Variants in DGKI observed in about 807,000 individuals in gnomAD.
DGKI encodes the protein DAG kinase iota.
Under a neutral mutation model 147.5 loss-of-function variants are expected in DGKI, and 55 were observed. That is an observed-to-expected ratio of 0.37 (90% CI 0.30 to 0.47). The LOEUF (loss-of-function observed/expected upper bound fraction) is 0.47, where lower values mean the gene tolerates loss of function less well. Among genes scored for constraint, DGKI ranks in the 20% least tolerant of loss-of-function variants. The pLI, the probability that DGKI is intolerant of heterozygous loss-of-function variation, is 1.00. For missense variants in DGKI, 1,007 were observed against 1,323.8 expected (o/e 0.76, Z 3.71); for synonymous variants, 469 against 477.1 (o/e 0.98, Z 0.22).
chr7:137,517,343 A>AAGAAAG (rs1563064118), intron 21 of DGKI, among the ~76,000 whole-genome samples: 21 of 121,946 alleles, frequency 1.7e-4, no homozygotes, highest in Non-Finnish European at 1.8e-4. Flanking sequence ...AAGAAAGAGA[A>AAGAAAG]AGAAAGAAAG....
chr7:137,541,181 G>T (rs2128961339), intron 20 of DGKI, among the ~76,000 whole-genome samples: 1 of 152,336 alleles, frequency 6.6e-6, no homozygotes, highest in African/African-American at 2.4e-5. Flanking sequence ...CACTGGCAAA[G>T]GCATAAGCCA....
intron 27 of DGKI, among the ~76,000 whole-genome samples, chr7:137,447,083 G>A (rs1301464676): frequency 6.6e-6 from 1 of 152,048 alleles, no homozygotes; most frequent in African/African-American, 2.4e-5. Flanking sequence ...ATTCATATTT[G>A]TTTGTGCTTT....
intron 30 of DGKI, among the ~76,000 whole-genome samples, chr7:137,400,062 T>C (rs1289618437): frequency 6.6e-6 from 1 of 152,186 alleles, no homozygotes; most frequent in African/African-American, 2.4e-5. Context: ...CATCAAGATA[T>C]GGGATCATCA....
intron 1 of DGKI, among the ~76,000 whole-genome samples, chr7:137,746,418 A>G: frequency 6.6e-6 from 1 of 152,202 alleles, no homozygotes; most frequent in South Asian, 2.1e-4. Flanking sequence ...TGAATAATCT[A>G]GATTTAGAGT....
chr7:137,468,476 C>T (rs1023005543), intron 24 of DGKI, among the ~76,000 whole-genome samples: 1 of 152,150 alleles, frequency 6.6e-6, no homozygotes, highest in Non-Finnish European at 1.5e-5. Context: ...TTATGTTTCT[C>T]ATTGCTATGG....
chr7:137,578,371 GTAGCGACTTAGAT>G, intron 15 of DGKI, 46 bp from the exon 16 acceptor site: 1 of 1,450,006 alleles, frequency 6.9e-7, no homozygotes, highest in Middle Eastern at 1.7e-4. Flanking sequence ...CTCACTAAAG[GTAGCGACTTAGAT>G]TAGCACTCCT....
intron 8 of DGKI, among the ~76,000 whole-genome samples, chr7:137,617,010 A>G (rs1820554453): frequency 6.6e-6 from 1 of 151,614 alleles, no homozygotes; most frequent in Non-Finnish European, 1.5e-5. Context: ...TTTATGATAG[A>G]CAGATTAGGA....
intron 1 of DGKI, among the ~76,000 whole-genome samples, chr7:137,820,011 G>A (rs952797824): frequency 3.9e-5 from 6 of 152,102 alleles, no homozygotes; most frequent in Non-Finnish European, 7.4e-5. Context: ...GCATGCCTTC[G>A]ACATAGTGCA....
intron 2 of DGKI, among the ~76,000 whole-genome samples, chr7:137,688,710 A>G (rs894399698): frequency 6.6e-6 from 1 of 152,148 alleles, no homozygotes; most frequent in Admixed American, 6.5e-5. Flanking sequence ...ATGTTTATGC[A>G]TTTAATTGTT....
At chr7:137,533,046 A>T (rs999442590) in intron 20 of DGKI, among the ~76,000 whole-genome samples, 6 of 152,134 alleles carry the variant, frequency 3.9e-5, no homozygotes, top group African/African-American at 1.4e-4. Context: ...GGCACCTGTA[A>T]TTTCAGCATT....
intron 29 of DGKI, 49 bp downstream of exon 29, chr7:137,412,121 T>C: frequency 6.5e-7 from 1 of 1,546,408 alleles, no homozygotes; most frequent in Non-Finnish European, 8.9e-7. Context: ...ATGATGTTGA[T>C]TTAAAGTTCT....
At chr7:137,485,532 G>A in intron 22 of DGKI, 114 bp from the exon 23 acceptor site, 2 of 781,532 alleles carry the variant, frequency 2.6e-6, no homozygotes, top group East Asian at 5.4e-5. Flanking sequence ...CATCTGGAAA[G>A]TATCGAACAC....
intron 1 of DGKI, among the ~76,000 whole-genome samples, chr7:137,753,163 C>T (rs149346097): frequency 4.1e-3 from 625 of 152,292 alleles, no homozygotes; most frequent in Non-Finnish European, 7.1e-3. Context: ...AACAAAGTTA[C>T]ACTTGAGTGG....
At chr7:137,421,693 T>G (rs573724288) in intron 28 of DGKI, among the ~76,000 whole-genome samples, 1 of 152,362 alleles carries the variant, frequency 6.6e-6, no homozygotes, top group East Asian at 1.9e-4. Context: ...TTGTTTCACA[T>G]GTCTAAGTTC....
intron 15 of DGKI, among the ~76,000 whole-genome samples, chr7:137,581,338 A>G (rs981400377): frequency 5.9e-5 from 9 of 152,046 alleles, no homozygotes; most frequent in Admixed American, 5.9e-4. Context: ...CTTTCAACCT[A>G]AACTACCTAT....
chr7:137,409,654 A>G (rs1359297347), intron 29 of DGKI, among the ~76,000 whole-genome samples: 1 of 152,212 alleles, frequency 6.6e-6, no homozygotes, highest in Non-Finnish European at 1.5e-5. Flanking sequence ...TTGTCTTAAA[A>G]TGACACTCCC....
chr7:137,554,866 C>A (rs1328031942), intron 19 of DGKI, among the ~76,000 whole-genome samples: 1 of 151,564 alleles, frequency 6.6e-6, no homozygotes, highest in African/African-American at 2.4e-5. Flanking sequence ...GGTAAACAAA[C>A]CTCTTGTAAG....
intron 1 of DGKI, among the ~76,000 whole-genome samples, chr7:137,823,695 G>C (rs1797971937): frequency 6.6e-6 from 1 of 152,218 alleles, no homozygotes; most frequent in African/African-American, 2.4e-5. Flanking sequence ...CAAAGTATTG[G>C]AGAAGAACGG....
chr7:137,410,383 T>C (rs1778779436), intron 29 of DGKI, among the ~76,000 whole-genome samples: 1 of 152,132 alleles, frequency 6.6e-6, no homozygotes, highest in Non-Finnish European at 1.5e-5. Context: ...CCAGCCTGGG[T>C]GACAGAGCGA....
Sources: allele counts gnomAD v4.1 joint callset (sites outside exome capture counted in the v4.1 genomes callset), GRCh38; gene constraint gnomAD v4.1.1; transcripts MANE v1.5; gene names NCBI Gene and HGNC (gene_info 2026-07-23, HGNC 2026-07-21).